Variants in HBS1L observed in about 807,000 individuals in gnomAD.
HBS1L encodes HBS1 like translational GTPase, also known as HBS1-like protein.
A neutral mutation model predicts 88.9 loss-of-function variants in HBS1L; 55 were observed. The observed-to-expected ratio is 0.62, with a 90% CI of 0.50 to 0.77. HBS1L has a LOEUF of 0.77. Ranked by LOEUF, HBS1L falls within the 30% of genes least tolerant of loss-of-function variation. The pLI is 0.00. For synonymous variants in HBS1L, 267 were observed against 288.5 expected (o/e 0.93, Z 0.76); for missense variants, 741 against 829.3 (o/e 0.89, Z 1.31).
chr6:135,048,041 C>T (rs1448596960), intron 2 of HBS1L, among the ~76,000 whole-genome samples: 1 of 152,232 alleles, frequency 6.6e-6, no homozygotes, highest in African/African-American at 2.4e-5. Flanking sequence ...TTCTAACCTA[C>T]CATCCTTTAC....
chr6:135,006,378 C>G (rs1220616604), intron 4 of HBS1L, among the ~76,000 whole-genome samples: 1 of 151,720 alleles, frequency 6.6e-6, no homozygotes, highest in Non-Finnish European at 1.5e-5. Context: ...TTTTTCCATA[C>G]AGATAGGTCA....
chr6:134,989,082 C>G (rs1775060405), intron 8 of HBS1L, among the ~76,000 whole-genome samples: 1 of 152,126 alleles, frequency 6.6e-6, no homozygotes, highest in Non-Finnish European at 1.5e-5. Context: ...TTTTGTTAGC[C>G]TTATTGAAAC....
At chr6:134,979,843 T>C (rs1774771034) in intron 13 of HBS1L, among the ~76,000 whole-genome samples, 1 of 152,026 alleles carries the variant, frequency 6.6e-6, no homozygotes, top group Non-Finnish European at 1.5e-5. Flanking sequence ...GAGAGAGATC[T>C]GCATACTAAT....
Position 135,001,063 on chromosome 6 carries a change from T to C in HBS1L, c.539+1671A>G, listed in dbSNP as rs913456787. 2.6e-5 allele frequency among the ~76,000 whole-genome samples: 4 copies of C among 152,348 alleles called. 1 individual carries two copies. The East Asian group carries it at 5.8e-4, about 22-fold the overall frequency. ...TTTCACATTCTAATGACTTCTCCCA[T>C]AGAGCCACATCAAAATGTTGCCTCA... On this transcript the variant is annotated intron_variant, in intron 5 of 17. Coordinates refer to ENST00000367837, the MANE Select transcript of HBS1L (RefSeq NM_006620.4).
intron 4 of HBS1L, among the ~76,000 whole-genome samples, chr6:135,015,609 T>C (rs907337273): frequency 6.6e-6 from 1 of 152,128 alleles, no homozygotes; most frequent in Non-Finnish European, 1.5e-5. Flanking sequence ...GGGGACAGAG[T>C]CTCGTTCTGT....
chr6:135,034,632 A>C (rs1248181423), intron 4 of HBS1L, among the ~76,000 whole-genome samples: 1 of 152,246 alleles, frequency 6.6e-6, no homozygotes, highest in Non-Finnish European at 1.5e-5. Context: ...GAACAGAGTG[A>C]GACTCTGTCT....
chr6:135,002,973 C>A (rs1562290963), intron 4 of HBS1L, 131 bp from the exon 5 acceptor site: 1 of 550,126 alleles, frequency 1.8e-6, no homozygotes, highest in Non-Finnish European at 3.2e-6. Flanking sequence ...CACATTATCT[C>A]TAAAAAAATT....
chr6:135,005,596 A>C (rs1433573997), intron 4 of HBS1L, among the ~76,000 whole-genome samples: 1 of 152,246 alleles, frequency 6.6e-6, no homozygotes, highest in Admixed American at 6.5e-5. Flanking sequence ...AAAGGGAATA[A>C]TATGGCAGAA....
At chr6:135,033,075 C>T (rs1776434648) in intron 4 of HBS1L, among the ~76,000 whole-genome samples, 1 of 152,086 alleles carries the variant, frequency 6.6e-6, no homozygotes, top group Non-Finnish European at 1.5e-5. Flanking sequence ...CCATGAACAA[C>T]ATCAGATCTT....
At chr6:135,006,701 A>C (rs776821336) in intron 4 of HBS1L, among the ~76,000 whole-genome samples, 35 of 152,184 alleles carry the variant, frequency 2.3e-4, no homozygotes, top group Non-Finnish European at 3.4e-4. Flanking sequence ...CTTTGCGTGA[A>C]AAAGCAGTTC....
chr6:134,990,694 G>C (rs1775107459), intron 8 of HBS1L, among the ~76,000 whole-genome samples: 1 of 152,172 alleles, frequency 6.6e-6, no homozygotes, highest in Non-Finnish European at 1.5e-5. Context: ...GAGGCTACAG[G>C]CACCTGCCAC....
chr6:135,028,135 A>G (rs1776286681), intron 4 of HBS1L, among the ~76,000 whole-genome samples: 1 of 152,170 alleles, frequency 6.6e-6, no homozygotes, highest in South Asian at 2.1e-4. Flanking sequence ...TAGGAAATGA[A>G]AAGCAAAAAA....
chr6:135,039,085 G>A (rs1301012087), intron 4 of HBS1L, among the ~76,000 whole-genome samples: 5 of 152,122 alleles, frequency 3.3e-5, no homozygotes, highest in African/African-American at 1.2e-4. Context: ...GGCCAAGGTA[G>A]GCGGATCACT....
At chr6:134,979,340 G>A (rs749875353) in intron 13 of HBS1L, 72 bp from the exon 14 acceptor site, 2 of 1,130,774 alleles carry the variant, frequency 1.8e-6, no homozygotes, top group African/African-American at 3.0e-5. Context: ...AACAGAGTTT[G>A]GCTGATTTGT....
At chr6:134,974,342 A>C (rs988884504) in intron 15 of HBS1L, among the ~76,000 whole-genome samples, 2 of 152,282 alleles carry the variant, frequency 1.3e-5, no homozygotes, top group South Asian at 4.1e-4. Flanking sequence ...TCAAAGAAAT[A>C]ATACCAATCC....
chr6:134,999,315 G>A (rs998360685), intron 5 of HBS1L, among the ~76,000 whole-genome samples: 3 of 152,094 alleles, frequency 2.0e-5, no homozygotes, highest in Admixed American at 2.0e-4. Flanking sequence ...CCCTCAGAGG[G>A]GCTGCCAGAA....
chr6:135,043,888 T>A (rs530853684), intron 2 of HBS1L, among the ~76,000 whole-genome samples: 24 of 152,350 alleles, frequency 1.6e-4, no homozygotes, highest in African/African-American at 5.3e-4. Context: ...TATGAAATTT[T>A]ATGAAATTTG....
rs1775327800 is a variant in HBS1L, at chr6:134,997,596, T to C, written c.600A>G (p.Glu200=). The stretch of plus-strand genomic sequence containing the variant: ...GAACATCGGAAGAAGCAATGGCATC[T>C]TCAATGGGCGGTCCTTTTTGAGGTG... ...FHTPQKGPPI[E]DAIASSDVLE... is the part of the protein sequence containing the mutation. Residue 200 remains glutamate (E), a synonymous_variant, in exon 6 of 18, where the codon GAA becomes GAG. Transcript: ENST00000367837. The C allele has an allele frequency of 6.2e-7, 1 of 1,613,848 alleles. No individual in the cohort carries two copies. Among genetic ancestry groups the C allele is most frequent in the African/African-American group, 1.3e-5 (1 of 74,888 alleles).
chr6:134,978,769 A>G lies in HBS1L; in HGVS notation c.1707T>C (p.Cys569=), dbSNP rs763248072. 3.7e-6 allele frequency: 6 copies of G among 1,606,072 alleles called. No individual in the cohort carries two copies. The highest frequency in any genetic ancestry group is 5.1e-6 in the Non-Finnish European group (6 of 1,175,332). Residue 569 remains cysteine, a synonymous_variant, in exon 15 of 18, where the codon TGT becomes TGC. Coordinates refer to ENST00000367837, the MANE Select transcript of HBS1L (RefSeq NM_006620.4). ...IIKINVGCIF[C]GPKVPIKACT... is the part of the protein sequence containing the mutation. ...AAGCTTTAATGGGTACTTTGGGGCC[A>G]CAAAATATGCAGCCAACACTGTAAG...
Sources: gnomAD v4.1 joint callset for allele counts (sites outside exome capture counted in the v4.1 genomes callset) on GRCh38, gnomAD v4.1.1 for gene constraint, MANE v1.5 for transcripts, NCBI Gene and HGNC (gene_info 2026-07-23, HGNC 2026-07-21) for gene names.